Variants in TAFA1 observed in about 807,000 individuals in gnomAD.
TAFA1 encodes chemokine-like protein TAFA-1.
In TAFA1, 4 loss-of-function variants were observed where a neutral mutation model predicts 18.5. The observed-to-expected ratio is 0.22, with a 90% CI of 0.11 to 0.49. TAFA1 has a LOEUF of 0.49. Among genes scored for constraint, TAFA1 ranks in the 20% least tolerant of loss-of-function variants. The probability of loss-of-function intolerance (pLI) is 0.98; values close to 1 mark genes in which losing one functional copy is unlikely to be tolerated. For synonymous variants in TAFA1, 56 were observed against 55.2 expected, an observed-to-expected ratio of 1.01 and a Z score of -0.06; for missense variants, 147 against 169.0, an observed-to-expected ratio of 0.87 and a Z score of 0.72.
chr3:68,089,324 A>G lies in TAFA1; in HGVS notation c.118+82580A>G, dbSNP rs564944512. On this transcript the variant is annotated intron_variant, in intron 2 of 4. Coordinates refer to ENST00000478136, the MANE Select transcript of TAFA1 (RefSeq NM_213609.4). ...TAAATGATATATTATGAATTTTATA[A>G]AATTTTCAGCACACTGGCTGTTATG... 9.8e-5 allele frequency among the ~76,000 whole-genome samples: 15 copies of G among 152,332 alleles called. 1 individual carries two copies. Among genetic ancestry groups the G allele is most frequent in the African/African-American group, 2.9e-4 (12 of 41,588 alleles).
chr3:68,164,607 T>A (rs1044765416), intron 2 of TAFA1, among the ~76,000 whole-genome samples: 1 of 150,478 alleles, frequency 6.6e-6, no homozygotes, highest in African/African-American at 2.5e-5. Flanking sequence ...TGATCTCATC[T>A]ACCACATTTG....
chr3:68,163,568 A>G (rs974235137), intron 2 of TAFA1, among the ~76,000 whole-genome samples: 1 of 152,182 alleles, frequency 6.6e-6, no homozygotes, highest in Non-Finnish European at 1.5e-5. Flanking sequence ...CCATAGTGTT[A>G]TGATGCTCCC....
chr3:68,063,860 G>A (rs2064637222), intron 2 of TAFA1, among the ~76,000 whole-genome samples: 1 of 152,166 alleles, frequency 6.6e-6, no homozygotes, highest in South Asian at 2.1e-4. Context: ...ATGGCACAAG[G>A]AAAGTTAGGA....
intron 2 of TAFA1, among the ~76,000 whole-genome samples, chr3:68,254,077 C>T (rs369444735): frequency 4.9e-4 from 75 of 152,188 alleles, no homozygotes; most frequent in African/African-American, 1.6e-3. Context: ...GTCTGTCTGT[C>T]TGTCTGCCTG....
intron 2 of TAFA1, among the ~76,000 whole-genome samples, chr3:68,170,427 G>A (rs1335653688): frequency 6.6e-6 from 1 of 152,176 alleles, no homozygotes; most frequent in African/African-American, 2.4e-5. Context: ...AATTGCAGTT[G>A]TTTAATGTTG....
chr3:68,525,847 C>CT (rs545226244), intron 3 of TAFA1, among the ~76,000 whole-genome samples: 21 of 148,502 alleles, frequency 1.4e-4, no homozygotes, highest in Non-Finnish European at 1.9e-4. Context: ...TTCTCTCTCT[C>CT]TTTTTTTTTT....
intron 3 of TAFA1, among the ~76,000 whole-genome samples, chr3:68,438,070 C>G (rs752637493): frequency 6.6e-6 from 1 of 152,072 alleles, no homozygotes; most frequent in Admixed American, 6.6e-5. Flanking sequence ...TAATAAGACT[C>G]CAGATTAGCC....
chr3:68,384,407 C>A, intron 2 of TAFA1, among the ~76,000 whole-genome samples: 1 of 152,000 alleles, frequency 6.6e-6, no homozygotes, highest in South Asian at 2.1e-4. Flanking sequence ...TGATTTCTAT[C>A]TTAATTTCAT....
chr3:68,343,329 G>A (rs1473446183), intron 2 of TAFA1, among the ~76,000 whole-genome samples: 1 of 152,136 alleles, frequency 6.6e-6, no homozygotes, highest in Non-Finnish European at 1.5e-5. Context: ...CAGAATTTCT[G>A]GGGATAGGAC....
At chr3:68,047,925 G>A (rs796079613) in intron 2 of TAFA1, among the ~76,000 whole-genome samples, 14 of 152,108 alleles carry the variant, frequency 9.2e-5, no homozygotes, top group East Asian at 1.9e-4. Context: ...CAGATTATGC[G>A]AATGGATGAA....
intron 2 of TAFA1, among the ~76,000 whole-genome samples, chr3:68,286,573 T>C (rs1001684113): frequency 6.6e-6 from 1 of 151,928 alleles, no homozygotes; most frequent in Non-Finnish European, 1.5e-5. Context: ...TAAGGAAGAA[T>C]TGAGAGGAGG....
At chr3:68,476,755 A>G (rs2072104959) in intron 3 of TAFA1, among the ~76,000 whole-genome samples, 2 of 152,200 alleles carry the variant, frequency 1.3e-5, no homozygotes, top group African/African-American at 4.8e-5. Context: ...GATTATTTTT[A>G]AAGGATATAT....
intron 2 of TAFA1, among the ~76,000 whole-genome samples, chr3:68,402,292 C>T (rs1012061750): frequency 6.6e-6 from 1 of 152,170 alleles, no homozygotes; most frequent in African/African-American, 2.4e-5. Flanking sequence ...TTAAGGGAAG[C>T]TCATTTCAAG....
chr3:68,541,316 C>A (rs2073370131), intron 4 of TAFA1, among the ~76,000 whole-genome samples: 1 of 152,210 alleles, frequency 6.6e-6, no homozygotes, highest in African/African-American at 2.4e-5. Flanking sequence ...ACACAAGGAG[C>A]ACCAACTAAG....
chr3:68,117,632 A>G (rs771151917), intron 2 of TAFA1, among the ~76,000 whole-genome samples: 1 of 152,198 alleles, frequency 6.6e-6, no homozygotes, highest in Non-Finnish European at 1.5e-5. Flanking sequence ...AGTAACCAGA[A>G]AAATCTGGGT....
At chr3:68,540,974 A>T (rs1159133569) in intron 4 of TAFA1, among the ~76,000 whole-genome samples, 1 of 152,174 alleles carries the variant, frequency 6.6e-6, no homozygotes, top group African/African-American at 2.4e-5. Context: ...GGAGCACACC[A>T]TTTGCTACCT....
chr3:68,525,449 A>C (rs553014387), intron 3 of TAFA1, among the ~76,000 whole-genome samples: 1 of 152,302 alleles, frequency 6.6e-6, no homozygotes, highest in South Asian at 2.1e-4. Context: ...GTGGTCTATA[A>C]ATATTTTTTC....
At chr3:68,405,535 A>T (rs912132499) in intron 2 of TAFA1, among the ~76,000 whole-genome samples, 3 of 150,246 alleles carry the variant, frequency 2.0e-5, no homozygotes, top group African/African-American at 7.4e-5. Flanking sequence ...TCTCTACAAA[A>T]ATACAAATCA....
intron 2 of TAFA1, among the ~76,000 whole-genome samples, chr3:68,385,554 A>C (rs1421192361): frequency 6.6e-6 from 1 of 152,072 alleles, no homozygotes; most frequent in Admixed American, 6.6e-5. Context: ...TCTGCCTTGA[A>C]AGTTGTTATA....
Sources: allele counts gnomAD v4.1 joint callset (sites outside exome capture counted in the v4.1 genomes callset), GRCh38; gene constraint gnomAD v4.1.1; transcripts MANE v1.5; gene names NCBI Gene and HGNC (gene_info 2026-07-23, HGNC 2026-07-21).